Variants in ATP1A1 observed in about 807,000 individuals in gnomAD.
ATP1A1 encodes sodium/potassium-transporting ATPase subunit alpha-1.
Under a neutral mutation model 114.8 loss-of-function variants are expected in ATP1A1, and 14 were observed. The observed-to-expected ratio is 0.12, with a 90% CI of 0.08 to 0.19. ATP1A1 has a LOEUF of 0.19. ATP1A1 is among the 10% of genes least tolerant of loss of function. The pLI, the probability that ATP1A1 is intolerant of heterozygous loss-of-function variation, is 1.00. For missense variants in ATP1A1, 524 were observed against 1,290.7 expected (o/e 0.41, Z 9.10); for synonymous variants, 471 against 466.3 (o/e 1.01, Z -0.13).
chr1:116,390,234 A>G lies in ATP1A1; in HGVS notation c.1045A>G (p.Lys349Glu), dbSNP rs1348829568. The G allele has an allele frequency of 6.2e-7, 1 of 1,614,214 alleles. No individual in the cohort carries two copies. The highest frequency in any genetic ancestry group is 1.1e-5 in the South Asian group (1 of 91,090). The change falls in exon 9 of 23, where the codon AAA (lysine) becomes GAA (glutamate). Residue 349 changes from lysine to glutamate, a missense_variant. Lys to Glu is a moderately conservative substitution (Grantham distance 56). Transcript: ENST00000295598. ...TVTVCLTLTAKRMARKNCLVK... is the reference protein window; with the variant it reads ...TVTVCLTLTAERMARKNCLVK... ...TTAGGTCTGTCTGACACTTACTGCC[A>G]AACGCATGGCAAGGAAAAACTGCTT...
At position 116,389,162 on chromosome 1, in the gene ATP1A1, G is replaced by C; in HGVS notation, c.754+143G>C. 1.1e-6 allele frequency: 1 copy of C among 944,336 alleles called. No homozygotes were observed. Among genetic ancestry groups the C allele is most frequent in the Non-Finnish European group, 1.6e-6 (1 of 615,238 alleles). 58.5% of individuals were successfully genotyped at this position (944,336 alleles called of 1,614,324 possible). A position where few individuals can be genotyped will look rare whatever the true frequency, so the allele number is the denominator to read the frequency against. ...AGCACAGAGCAGAGGTGTTTTCCTA[G>C]CTGGCAGGAAACCTTGTGGCAGTTT... On this transcript the variant is annotated intron_variant, in intron 7 of 22. Transcript: ENST00000295598. This position sits in a 1 kb window ranked among gnomAD's most constrained non-coding sequence, Gnocchi z 6.9.
At position 116,401,120 on chromosome 1, in the gene ATP1A1, T is replaced by G; in HGVS notation, c.2719-10T>G. 6.2e-7 allele frequency: 1 copy of G among 1,614,150 alleles called. No homozygotes were observed. ...GAGCCAGAGCTCATCTTCTGTCTTC[T>G]GCATTTCAGACCTATGAGCAGAGGA... On this transcript the variant is annotated splice_polypyrimidine_tract_variant and intron_variant, in intron 19 of 22. Transcript: ENST00000295598. This position sits in a 1 kb window ranked among gnomAD's most constrained non-coding sequence, Gnocchi z 4.7.
Position 116,381,552 on chromosome 1 carries a change from C to G in ATP1A1, c.13-2462C>G, listed in dbSNP as rs1651744823. Among the ~76,000 whole-genome samples the G allele has an allele frequency of 6.6e-6, 1 of 152,138 alleles. No individual in the cohort carries two copies. The highest frequency in any genetic ancestry group is 2.4e-5 in the African/African-American group (1 of 41,422). Reference sequence around the variant, plus strand: ...GCCATGTGTCTCACCCACAAATAGCCTCATTTAAAACTTTGCCTTACCTAG... The same window carrying G: ...GCCATGTGTCTCACCCACAAATAGCGTCATTTAAAACTTTGCCTTACCTAG... On this transcript the variant is annotated intron_variant, in intron 1 of 22. Coordinates refer to ENST00000295598, the MANE Select transcript of ATP1A1 (RefSeq NM_000701.8). The surrounding 1 kb of genome is among the most constrained non-coding windows in gnomAD (Gnocchi z 5.1).
chr1:116,379,004 T>C (rs1221067426), intron 1 of ATP1A1, among the ~76,000 whole-genome samples: 3 of 152,246 alleles, frequency 2.0e-5, no homozygotes, highest in Non-Finnish European at 4.4e-5. Context: ...TCTTAATAAC[T>C]GTAAAAGCAA....
At position 116,384,146 on chromosome 1, in the gene ATP1A1, G is replaced by T; in HGVS notation, c.123+22G>T. Reference sequence around the variant, plus strand: ...TATGGTAAGTACTAGGAGGAATATTGTATTCCATCCTTATTAAAAATCCAT... The same window carrying T: ...TATGGTAAGTACTAGGAGGAATATTTTATTCCATCCTTATTAAAAATCCAT... On this transcript the variant is annotated intron_variant, in intron 2 of 22. Coordinates refer to ENST00000295598, the MANE Select transcript of ATP1A1 (RefSeq NM_000701.8). The surrounding 1 kb of genome is among the most constrained non-coding windows in gnomAD (Gnocchi z 5.1). 6.4e-7 allele frequency: 1 copy of T among 1,573,082 alleles called. No individual in the cohort carries two copies. Among genetic ancestry groups the T allele is most frequent in the South Asian group, 1.1e-5 (1 of 90,000 alleles).
intron 21 of ATP1A1, among the ~76,000 whole-genome samples, chr1:116,403,151 T>C (rs1053732063): frequency 6.6e-6 from 1 of 152,224 alleles, no homozygotes; most frequent in Non-Finnish European, 1.5e-5. Flanking sequence ...GGTTCAGTTA[T>C]TCGGTGACTG....
Position 116,387,747 on chromosome 1 carries a change from G to A in ATP1A1, c.387+256G>A, listed in dbSNP as rs1483261278. On this transcript the variant is annotated intron_variant, in intron 4 of 22. Coordinates refer to ENST00000295598, the MANE Select transcript of ATP1A1 (RefSeq NM_000701.8). This position sits in a 1 kb window ranked among gnomAD's most constrained non-coding sequence, Gnocchi z 6.7. ...TGTGCTGCTGTGAGCAGGCAGCTCT[G>A]CTCAGGCCCCGGCCGCCACCCACTG... Among the ~76,000 whole-genome samples, 1 of 152,236 alleles carries A rather than the reference G, an allele frequency of 6.6e-6. No homozygotes were observed. The highest frequency in any genetic ancestry group is 1.5e-5 in the Non-Finnish European group (1 of 68,038).
chr1:116,376,297 A>G (rs1651364739), intron 1 of ATP1A1, among the ~76,000 whole-genome samples: 1 of 152,236 alleles, frequency 6.6e-6, no homozygotes, highest in Non-Finnish European at 1.5e-5. Flanking sequence ...GGGGATGCAC[A>G]TGTCAGCAGA....
At position 116,389,787 on chromosome 1, in the gene ATP1A1, A is replaced by AT. The variant is rs1444472090; in HGVS notation, c.1023+82dup. The AT allele has an allele frequency of 6.4e-7, 1 of 1,554,012 alleles. No individual in the cohort carries two copies. The highest frequency in any genetic ancestry group is 8.7e-7 in the Non-Finnish European group (1 of 1,142,998). ...CTCTTCCGCTATCCTATTCTAAGGT[A>AT]TTGCCAACTTATGTTTTATTCTGGA... On this transcript the variant is annotated intron_variant, in intron 8 of 22. Coordinates refer to ENST00000295598, the MANE Select transcript of ATP1A1 (RefSeq NM_000701.8). This position sits in a 1 kb window ranked among gnomAD's most constrained non-coding sequence, Gnocchi z 6.9.
chr1:116,377,292 A>G (rs1052549140), intron 1 of ATP1A1, among the ~76,000 whole-genome samples: 6 of 152,186 alleles, frequency 3.9e-5, no homozygotes, highest in African/African-American at 1.4e-4. Context: ...AGTTGTGGCT[A>G]TTGTTATTGG....
intron 1 of ATP1A1, chr1:116,374,130 G>C: frequency 6.5e-7 from 1 of 1,545,514 alleles, no homozygotes. Context: ...GCTCCGCGCA[G>C]AGGCGGCCGC....
At chr1:116,386,996 T>C (rs550871234) in intron 3 of ATP1A1, among the ~76,000 whole-genome samples, 110 of 152,242 alleles carry the variant, frequency 7.2e-4, no homozygotes, top group Non-Finnish European at 1.3e-3. Flanking sequence ...TCCCTTGATC[T>C]AAAACTTAGA....
Position 116,384,945 on chromosome 1 carries a change from A to G in ATP1A1, c.183+103A>G, listed in dbSNP as rs1651986484. The G allele has an allele frequency of 1.8e-6, 2 of 1,122,454 alleles. No individual in the cohort carries two copies. The highest frequency in any genetic ancestry group is 1.3e-6 in the Non-Finnish European group (1 of 745,550). The allele number at this position is 1,122,454 out of a possible 1,614,324, so 69.5% of individuals were successfully genotyped here. A position where few individuals can be genotyped will look rare whatever the true frequency, so the allele number is the denominator to read the frequency against. ...TAACCTCAGGGGCTCTAGTAAGAAA[A>G]TGACAGACACCATCTGCGTATCTAC... On this transcript the variant is annotated intron_variant, in intron 3 of 22. Coordinates refer to ENST00000295598, the MANE Select transcript of ATP1A1 (RefSeq NM_000701.8). The surrounding 1 kb of genome is among the most constrained non-coding windows in gnomAD (Gnocchi z 5.1).
At chr1:116,383,894 C>G in intron 1 of ATP1A1, 120 bp from the exon 2 acceptor site, 1 of 793,494 alleles carries the variant, frequency 1.3e-6, no homozygotes, top group South Asian at 1.7e-5. Flanking sequence ...TGACTATTAT[C>G]TTAATGACTA....
Position 116,393,549 on chromosome 1 carries a change from C to A in ATP1A1, c.1486C>A (p.Pro496Thr), listed in dbSNP as rs751451407. ...TTCACAGTTGTCTATTCATAAGAAC[C>A]CCAACACATCGGAGCCCCAACACCT... ...NKYQLSIHKN[P>T]NTSEPQHLLV... The change falls in exon 12 of 23, where the codon CCC becomes ACC. Residue 496 changes from proline to threonine, a missense_variant. By Grantham distance (38) the Pro-to-Thr change is conservative. This residue lies in a region of ATP1A1 where 143 missense variants were observed against 259.3 expected (regional missense o/e 0.55). Coordinates refer to ENST00000295598, the MANE Select transcript of ATP1A1 (RefSeq NM_000701.8). This position sits in a 1 kb window ranked among gnomAD's most constrained non-coding sequence, Gnocchi z 5.0. The A allele has an allele frequency of 1.2e-6, 2 of 1,613,676 alleles. No individual in the cohort carries two copies. The highest frequency in any genetic ancestry group is 1.7e-6 in the Non-Finnish European group (2 of 1,179,766).
chr1:116,398,840 T>C lies in ATP1A1; in HGVS notation c.2293+51T>C, dbSNP rs1330955644. 1 of 1,609,646 alleles carries C rather than the reference T, an allele frequency of 6.2e-7. No individual in the cohort carries two copies. Among genetic ancestry groups the C allele is most frequent in the African/African-American group, 1.3e-5 (1 of 74,934 alleles). On this transcript the variant is annotated intron_variant, in intron 16 of 22. Transcript: ENST00000295598. The surrounding 1 kb of genome is among the most constrained non-coding windows in gnomAD (Gnocchi z 6.1). ...AAGATCTTATTCAGATACTGCCCAT[T>C]AGCATCCATTTCTGTATACTTCTTG...
intron 1 of ATP1A1, chr1:116,373,979 G>A: frequency 7.2e-7 from 1 of 1,381,094 alleles, no homozygotes; most frequent in Non-Finnish European, 9.3e-7. Context: ...GTGCCCTGAG[G>A]AAAGGCGCGC....
At position 116,384,744 on chromosome 1, in the gene ATP1A1, C is replaced by G. The variant is rs1293482373; in HGVS notation, c.124-39C>G. 6.6e-7 allele frequency: 1 copy of G among 1,526,436 alleles called. No homozygotes were observed. The highest frequency in any genetic ancestry group is 1.4e-5 in the African/African-American group (1 of 71,576). 94.6% of individuals were successfully genotyped at this position (1,526,436 alleles called of 1,614,324 possible). Reference sequence around the variant, plus strand: ...TTTTTTCTGTCATTTTTTTATACTACACTGTTTAACTATTTTCTTTGTTTC... The same window carrying G: ...TTTTTTCTGTCATTTTTTTATACTAGACTGTTTAACTATTTTCTTTGTTTC... On this transcript the variant is annotated intron_variant, in intron 2 of 22. Transcript: ENST00000295598. This position sits in a 1 kb window ranked among gnomAD's most constrained non-coding sequence, Gnocchi z 5.1.
intron 1 of ATP1A1, among the ~76,000 whole-genome samples, chr1:116,378,334 T>C (rs760126349): frequency 6.6e-6 from 1 of 152,248 alleles, no homozygotes; most frequent in Non-Finnish European, 1.5e-5. Flanking sequence ...TTGTGAGTTA[T>C]GATGAAATAT....
Sources: gnomAD v4.1 joint callset for allele counts (sites outside exome capture counted in the v4.1 genomes callset) on GRCh38, gnomAD v4.1.1 for gene constraint, gnomAD v4.1.1 regional missense constraint, Gnocchi (gnomAD v3.1) non-coding constraint, MANE v1.5 for transcripts, NCBI Gene and HGNC (gene_info 2026-07-23, HGNC 2026-07-21) for gene names.